KIAA1755: variants seen among roughly 807,000 people sequenced by gnomAD.
The protein encoded by KIAA1755 is uncharacterized protein KIAA1755.
In KIAA1755, 68 loss-of-function variants were observed where a neutral mutation model predicts 91.7. That is an observed-to-expected ratio of 0.74 (90% CI 0.61 to 0.91). The LOEUF is 0.91. Ranked by LOEUF, KIAA1755 falls within the 40% of genes least tolerant of loss-of-function variation. The probability of loss-of-function intolerance (pLI) is 0.00; values close to 1 mark genes in which losing one functional copy is unlikely to be tolerated. For missense variants in KIAA1755, 1,535 were observed against 1,494.4 expected, an observed-to-expected ratio of 1.03 and a Z score of -0.45; for synonymous variants, 610 against 604.6, an observed-to-expected ratio of 1.01 and a Z score of -0.13.
intron 1 of KIAA1755, among the ~76,000 whole-genome samples, chr20:38,251,160 CA>C (rs1470849665): frequency 1.2e-4 from 18 of 152,070 alleles, no homozygotes; most frequent in African/African-American, 4.1e-4. Context: ...CGAATAGTAC[CA>C]TTAAATTCTA....
At chr20:38,236,053 G>A (rs945294575) in intron 4 of KIAA1755, among the ~76,000 whole-genome samples, 5 of 152,202 alleles carry the variant, frequency 3.3e-5, no homozygotes, top group African/African-American at 9.7e-5. Flanking sequence ...AAGAGACCAC[G>A]CTGGTTTGGA....
At chr20:38,223,736 T>C in intron 8 of KIAA1755, 100 bp from the exon 9 acceptor site, 1 of 794,760 alleles carries the variant, frequency 1.3e-6, no homozygotes, top group African/African-American at 1.8e-5. Flanking sequence ...AGGCAGTGGC[T>C]CTCCAACTCC....
intron 5 of KIAA1755, among the ~76,000 whole-genome samples, chr20:38,230,921 A>G (rs184297571): frequency 3.3e-5 from 5 of 151,878 alleles, no homozygotes; most frequent in Admixed American, 3.3e-4. Flanking sequence ...CCACTGATCT[A>G]CAAACATCAC....
At chr20:38,215,186 T>TA (rs1213764195) in intron 13 of KIAA1755, among the ~76,000 whole-genome samples, 3 of 152,138 alleles carry the variant, frequency 2.0e-5, no homozygotes, top group Non-Finnish European at 2.9e-5. Context: ...CCCAACCCCT[T>TA]ATTGAACGGA....
rs1325782081 is a variant in KIAA1755, at chr20:38,241,209, TC to T, written c.921del (p.Ile308Ter). Reference protein sequence around the residue: ...SSGCTSGALEEIAGTKETPLF... With the variant: ...SSGCTSGALEXIAGTKETPLF... ...AAGGGAGTTTCCTTAGTTCCAGCTATCTCCTCTAGTGCCCCAGAAGTACACC... is the reference window on the plus strand; with the variant it reads ...AAGGGAGTTTCCTTAGTTCCAGCTATTCCTCTAGTGCCCCAGAAGTACACC... On this transcript the variant is annotated frameshift_variant, in exon 3 of 14. Transcript: ENST00000279024. LOFTEE classifies it high-confidence loss of function. 6.2e-7 allele frequency: 1 copy of T among 1,613,990 alleles called. No homozygotes were observed. The highest frequency in any genetic ancestry group is 8.5e-7 in the Non-Finnish European group (1 of 1,180,032).
chr20:38,217,875 C>T (rs565215394), intron 12 of KIAA1755: 5 of 406,428 alleles, frequency 1.2e-5, no homozygotes, highest in South Asian at 6.8e-5. Flanking sequence ...AATTCCTGAG[C>T]GCTGATACGG....
At chr20:38,259,116 C>T (rs1483657816) in intron 1 of KIAA1755, among the ~76,000 whole-genome samples, 3 of 152,164 alleles carry the variant, frequency 2.0e-5, no homozygotes, top group African/African-American at 7.2e-5. Context: ...TTGGAGATAG[C>T]CGCAGGTCTA....
chr20:38,247,529 T>C (rs1378259652), intron 1 of KIAA1755, among the ~76,000 whole-genome samples: 6 of 152,148 alleles, frequency 3.9e-5, no homozygotes, highest in African/African-American at 9.7e-5. Context: ...GGTGTCCCCT[T>C]TTCTGGGATC....
At chr20:38,227,329 T>C (rs1157248471) in intron 6 of KIAA1755, 89 bp from the exon 7 acceptor site, 3 of 915,614 alleles carry the variant, frequency 3.3e-6, no homozygotes, top group Non-Finnish European at 5.1e-6. Context: ...CCCTGTAAGA[T>C]GCAGGCAAAT....
intron 13 of KIAA1755, 98 bp downstream of exon 13, chr20:38,217,155 C>G: frequency 1.9e-6 from 2 of 1,053,008 alleles, no homozygotes; most frequent in African/African-American, 1.6e-5. Context: ...GGTGTCTATG[C>G]AGTCAGGCCA....
At chr20:38,236,594 G>T (rs1393877778) in intron 4 of KIAA1755, among the ~76,000 whole-genome samples, 1 of 152,210 alleles carries the variant, frequency 6.6e-6, no homozygotes, top group African/African-American at 2.4e-5. Flanking sequence ...AATGGCAAGT[G>T]AAGAAAGCCT....
intron 1 of KIAA1755, among the ~76,000 whole-genome samples, chr20:38,250,613 G>A (rs2076234915): frequency 6.6e-6 from 1 of 151,892 alleles, no homozygotes; most frequent in Non-Finnish European, 1.5e-5. Flanking sequence ...TGGAGACAGA[G>A]GGAGGAGGAT....
At position 38,240,511 on chromosome 20, in the gene KIAA1755, C is replaced by T. The variant is rs900532477; in HGVS notation, c.1549+71G>A. On this transcript the variant is annotated intron_variant, in intron 3 of 13. Coordinates refer to ENST00000279024, the MANE Select transcript of KIAA1755 (RefSeq NM_001029864.2). ...CCAGGTGGTCTCTATCACTTACAAC[C>T]AAAACCACCTAAAATGTGATCTCAA... The T allele has an allele frequency of 6.4e-6, 9 of 1,408,062 alleles. No individual in the cohort carries two copies. The African/African-American group carries it at 1.3e-4, about 20-fold the overall frequency. The allele number at this position is 1,408,062 out of a possible 1,614,324, so 87.2% of individuals were successfully genotyped here. A position where few individuals can be genotyped will look rare whatever the true frequency, so the allele number is the denominator to read the frequency against.
intron 5 of KIAA1755, among the ~76,000 whole-genome samples, chr20:38,230,782 G>C (rs1335534639): frequency 6.6e-6 from 1 of 152,170 alleles, no homozygotes; most frequent in Middle Eastern, 3.4e-3. Context: ...CAGCTACTCG[G>C]GAGGCTGAGG....
intron 1 of KIAA1755, 48 bp downstream of exon 1, chr20:38,260,450 C>T (rs1230619880): frequency 6.5e-7 from 1 of 1,528,050 alleles, no homozygotes; most frequent in Non-Finnish European, 8.8e-7. Flanking sequence ...GAGGGCTGTG[C>T]CCACTGAAAG....
rs1026528503 is a variant in KIAA1755 at position 38,210,882 on chromosome 20, C to T, written c.*2160G>A. On this transcript the variant is annotated 3_prime_UTR_variant, in exon 14 of 14. Transcript: ENST00000279024. Reference sequence around the variant, plus strand: ...GCATGGATGGAGATGGGCTGATCAACGCCTCTTGCATCTTTGGGCCTGTCT... The same window carrying T: ...GCATGGATGGAGATGGGCTGATCAATGCCTCTTGCATCTTTGGGCCTGTCT... 8 of 152,308 alleles carry T rather than the reference C, an allele frequency of 5.3e-5. No homozygotes were observed. The highest frequency in any genetic ancestry group is 3.4e-3 in the Middle Eastern group (1 of 294). 9.4% of individuals were successfully genotyped at this position (152,308 alleles called of 1,614,324 possible).
chr20:38,217,114 G>C (rs1006948264), intron 13 of KIAA1755, 139 bp downstream of exon 13: 15 of 708,158 alleles, frequency 2.1e-5, no homozygotes, highest in African/African-American at 3.5e-5. Flanking sequence ...GGTGGGGGGG[G>C]GCTGTGTCTA....
At chr20:38,234,720 G>A (rs1269021434) in intron 4 of KIAA1755, among the ~76,000 whole-genome samples, 4 of 152,194 alleles carry the variant, frequency 2.6e-5, no homozygotes, top group Non-Finnish European at 4.4e-5. Context: ...GTAGTCATAC[G>A]ATTAGTTCAC....
intron 12 of KIAA1755, chr20:38,217,801 T>G (rs2075577716): frequency 4.2e-6 from 2 of 479,204 alleles, no homozygotes; most frequent in African/African-American, 1.9e-5. Flanking sequence ...AGTCCCCACA[T>G]TCTCCCTTAC....
Sources: allele counts gnomAD v4.1 joint callset (sites outside exome capture counted in the v4.1 genomes callset), GRCh38; gene constraint gnomAD v4.1.1; transcripts MANE v1.5; gene names NCBI Gene and HGNC (gene_info 2026-07-23, HGNC 2026-07-21).